Variants in ANAPC1 observed in about 807,000 individuals in gnomAD.
The protein encoded by ANAPC1 is anaphase promoting complex subunit 1.
In ANAPC1, 36 loss-of-function variants were observed where a neutral mutation model predicts 208.0. That is an observed-to-expected ratio of 0.17 (90% CI 0.13 to 0.23). ANAPC1 has a LOEUF of 0.23. ANAPC1 is among the 10% of genes least tolerant of loss of function. ANAPC1 has a pLI of 1.00. For missense variants in ANAPC1, 942 were observed against 2,011.6 expected (o/e 0.47, Z 10.17); for synonymous variants, 378 against 695.2 (o/e 0.54, Z 7.18).
intron 14 of ANAPC1, among the ~76,000 whole-genome samples, chr2:111,849,060 T>C (rs1681248598): frequency 6.6e-6 from 1 of 152,254 alleles, no homozygotes; most frequent in African/African-American, 2.4e-5. Context: ...TAATTCAATT[T>C]ATATATCTCT....
intron 34 of ANAPC1, among the ~76,000 whole-genome samples, chr2:111,800,012 A>T (rs1276313539): frequency 1.1e-5 from 1 of 90,272 alleles, no homozygotes; most frequent in African/African-American, 3.9e-5. Flanking sequence ...AAAGGAAAAA[A>T]TGTAAATACC....
At chr2:111,851,672 G>A (rs538875472) in intron 13 of ANAPC1, among the ~76,000 whole-genome samples, 2 of 151,872 alleles carry the variant, frequency 1.3e-5, no homozygotes, top group African/African-American at 2.4e-5. Flanking sequence ...TTAGCCGGGC[G>A]TGGTGGCGGG....
At chr2:111,772,850 T>A (rs1676816341) in intron 46 of ANAPC1, among the ~76,000 whole-genome samples, 2 of 152,008 alleles carry the variant, frequency 1.3e-5, no homozygotes, top group Non-Finnish European at 2.9e-5. Context: ...AGATCCTTAC[T>A]AGTCTTGGCC....
intron 47 of ANAPC1, among the ~76,000 whole-genome samples, chr2:111,770,615 T>C (rs1676686525): frequency 6.7e-6 from 1 of 148,628 alleles, no homozygotes; most frequent in Non-Finnish European, 1.5e-5. Flanking sequence ...CTTCTCTGTA[T>C]TTCCTAACCA....
At chr2:111,844,010 G>C (rs1486025402) in intron 16 of ANAPC1, among the ~76,000 whole-genome samples, 1 of 151,680 alleles carries the variant, frequency 6.6e-6, no homozygotes, top group Non-Finnish European at 1.5e-5. Flanking sequence ...TTTTAGTAGA[G>C]ACCATGTTTC....
In ANAPC1 at chr2:111,825,270, C is replaced by T. The variant is rs1241955836; in HGVS notation, c.2705-103G>A. The T allele has an allele frequency of 6.8e-6, 10 of 1,475,206 alleles. No homozygotes were observed. In the East Asian group the frequency reaches 2.3e-4, roughly 33 times the overall value. 91.4% of individuals were successfully genotyped at this position (1,475,206 alleles called of 1,614,324 possible). On this transcript the variant is annotated intron_variant, in intron 22 of 47. Coordinates refer to ENST00000341068, the MANE Select transcript of ANAPC1 (RefSeq NM_022662.4). The stretch of plus-strand genomic sequence containing the variant: ...AAAATAAGAATCAATTAGCAAACAA[C>T]ATCTAAAAAAAAATAAAATAAGCAA...
At chr2:111,792,653 A>C in intron 37 of ANAPC1, 98 bp from the exon 38 acceptor site, 1 of 948,928 alleles carries the variant, frequency 1.1e-6, no homozygotes. Flanking sequence ...AAAAGTTTGT[A>C]ACTTAAAAAA....
chr2:111,836,293 GAAATT>G lies in ANAPC1; in HGVS notation c.2116-1426_2116-1422del, dbSNP rs1680461838. Among the ~76,000 whole-genome samples the G allele has an allele frequency of 3.3e-5, 5 of 150,748 alleles. No homozygotes were observed. In the South Asian group the frequency reaches 6.3e-4, roughly 19 times the overall value. On this transcript the variant is annotated intron_variant, in intron 18 of 47. Transcript: ENST00000341068. ...TACAGGCGTGAATTTTCATTTAAAA[GAAATT>G]AAATTAAAAGAAATTAAAATTACAG...
chr2:111,861,367 G>A (rs3870230), intron 10 of ANAPC1, among the ~76,000 whole-genome samples: 6 of 152,144 alleles, frequency 3.9e-5, no homozygotes, highest in African/African-American at 9.7e-5. Flanking sequence ...GAGCCACTGC[G>A]CCTAGGAAGC....
intron 6 of ANAPC1, among the ~76,000 whole-genome samples, chr2:111,870,819 G>C (rs971960687): frequency 2.0e-5 from 3 of 152,040 alleles, no homozygotes; most frequent in African/African-American, 7.2e-5. Flanking sequence ...GAATTTTTAT[G>C]GTTTCAGGGC....
intron 17 of ANAPC1, among the ~76,000 whole-genome samples, chr2:111,839,390 T>A (rs1302715896): frequency 1.3e-5 from 2 of 152,226 alleles, no homozygotes; most frequent in Non-Finnish European, 2.9e-5. Flanking sequence ...AAGTTGCTCT[T>A]CTTCAATTTC....
chr2:111,867,902 A>G, intron 7 of ANAPC1, 121 bp downstream of exon 7: 1 of 565,040 alleles, frequency 1.8e-6, no homozygotes, highest in East Asian at 3.1e-5. Context: ...AATAGAAGTT[A>G]TTTTTGTAAA....
At chr2:111,880,469 C>T in intron 2 of ANAPC1, 144 bp downstream of exon 2, 1 of 1,401,386 alleles carries the variant, frequency 7.1e-7, no homozygotes, top group South Asian at 1.6e-5. Flanking sequence ...TCATTATTTT[C>T]AACATTTATT....
intron 47 of ANAPC1, among the ~76,000 whole-genome samples, chr2:111,772,020 C>T (rs1385229054): frequency 2.7e-5 from 4 of 146,062 alleles, no homozygotes; most frequent in Non-Finnish European, 4.5e-5. Context: ...AAAAACCCAA[C>T]TGAAAACCTA....
In ANAPC1 at chr2:111,837,755, A is replaced by T. The variant is rs185696948; in HGVS notation, c.2115+683T>A. Among the ~76,000 whole-genome samples, 191 of 152,238 alleles carry T rather than the reference A, an allele frequency of 1.3e-3. 2 individuals carry two copies. In the East Asian group the frequency reaches 0.021, roughly 17 times the overall value. On this transcript the variant is annotated intron_variant, in intron 18 of 47. Transcript: ENST00000341068. ...GTATTTCATTTTTGTAAATTACACC[A>T]CAATTTAAAAAAACATATTTGGACC...
chr2:111,783,390 T>C (rs1327535093), intron 42 of ANAPC1, among the ~76,000 whole-genome samples: 5 of 151,930 alleles, frequency 3.3e-5, no homozygotes, highest in African/African-American at 9.7e-5. Context: ...GATCTGATGG[T>C]TTAAAAGTGT....
intron 33 of ANAPC1, among the ~76,000 whole-genome samples, chr2:111,801,117 G>A (rs1397521875): frequency 6.6e-6 from 1 of 152,070 alleles, no homozygotes; most frequent in East Asian, 1.9e-4. Context: ...AGCACTTTGG[G>A]AGACCAAGGC....
At chr2:111,777,203 C>T (rs1677038585) in intron 45 of ANAPC1, 146 bp from the exon 46 acceptor site, 1 of 710,086 alleles carries the variant, frequency 1.4e-6, no homozygotes, top group Admixed American at 2.3e-5. Context: ...TGCAGTCTGC[C>T]CACAGAGGAG....
At chr2:111,860,374 A>T (rs989719553) in intron 10 of ANAPC1, among the ~76,000 whole-genome samples, 5 of 147,462 alleles carry the variant, frequency 3.4e-5, no homozygotes, top group Admixed American at 6.8e-5. Flanking sequence ...CAGCAAAAAC[A>T]AAACTCTCCT....
Sources: gnomAD v4.1 joint callset for allele counts (sites outside exome capture counted in the v4.1 genomes callset) on GRCh38, gnomAD v4.1.1 for gene constraint, MANE v1.5 for transcripts, NCBI Gene and HGNC (gene_info 2026-07-23, HGNC 2026-07-21) for gene names.